GABRB2: variants seen among roughly 807,000 people sequenced by gnomAD.
GABRB2 encodes the protein gamma-aminobutyric acid receptor subunit beta-2.
In GABRB2, 16 loss-of-function variants were observed where a neutral mutation model predicts 54.7. The ratio of observed to expected loss-of-function variants is 0.29; its 90% CI spans 0.20 to 0.44. The LOEUF is 0.44. Ranked by LOEUF, GABRB2 falls within the 20% of genes least tolerant of loss-of-function variation. The probability of loss-of-function intolerance (pLI) is 1.00; values close to 1 mark genes in which losing one functional copy is unlikely to be tolerated. For synonymous variants in GABRB2, 244 were observed against 233.8 expected (o/e 1.04, Z -0.40); for missense variants, 355 against 644.0 (o/e 0.55, Z 4.86).
At chr5:161,455,142 C>T (rs1015334785) in intron 4 of GABRB2, among the ~76,000 whole-genome samples, 7 of 152,200 alleles carry the variant, frequency 4.6e-5, no homozygotes, top group Non-Finnish European at 7.3e-5. Context: ...AAATTTCTTG[C>T]TAACCAAGCA....
intron 3 of GABRB2, among the ~76,000 whole-genome samples, chr5:161,505,609 AG>A (rs1301828510): frequency 3.9e-5 from 6 of 152,220 alleles, no homozygotes; most frequent in Non-Finnish European, 8.8e-5. Flanking sequence ...AATAGAGTGT[AG>A]CCCAGAAATG....
intron 4 of GABRB2, among the ~76,000 whole-genome samples, chr5:161,454,546 T>C (rs1208018663): frequency 6.6e-6 from 1 of 152,234 alleles, no homozygotes; most frequent in Non-Finnish European, 1.5e-5. Context: ...GGTAAAGTTC[T>C]ATAATTTCCC....
chr5:161,365,137 T>G (rs1754936950), intron 5 of GABRB2, among the ~76,000 whole-genome samples: 1 of 152,210 alleles, frequency 6.6e-6, no homozygotes, highest in Non-Finnish European at 1.5e-5. Context: ...ACCAATGCTC[T>G]TCATCATAGA....
intron 5 of GABRB2, among the ~76,000 whole-genome samples, chr5:161,356,419 T>C (rs1754629676): frequency 6.6e-6 from 1 of 152,138 alleles, no homozygotes; most frequent in Non-Finnish European, 1.5e-5. Flanking sequence ...GCCAACCTTA[T>C]TGGGCACTGC....
At chr5:161,460,268 A>G (rs557572274) in intron 3 of GABRB2, among the ~76,000 whole-genome samples, 42 of 148,666 alleles carry the variant, frequency 2.8e-4, no homozygotes, top group East Asian at 2.4e-3. Flanking sequence ...TTATATATAT[A>G]TGTGTGTGTG....
At chr5:161,395,905 A>G (rs1755982611) in intron 5 of GABRB2, among the ~76,000 whole-genome samples, 1 of 152,188 alleles carries the variant, frequency 6.6e-6, no homozygotes, top group African/African-American at 2.4e-5. Flanking sequence ...TTGCAAGAAT[A>G]TAATAAGTAC....
rs1345738 is a variant in GABRB2 at position 161,372,127 on chromosome 5, G to T, written c.542-35358C>A. On this transcript the variant is annotated intron_variant, in intron 5 of 9. Transcript: ENST00000393959. ...TGGAATTGGTAAACAGGCCAAATCA[G>T]ATCTGCAGATGTGTTGCTCTGGACC... 7.3e-4 allele frequency among the ~76,000 whole-genome samples: 111 copies of T among 152,238 alleles called. No individual in the cohort carries two copies. In the East Asian group the frequency reaches 0.015, roughly 21 times the overall value.
intron 9 of GABRB2, among the ~76,000 whole-genome samples, chr5:161,324,976 T>A (rs1298932824): frequency 6.6e-6 from 1 of 152,092 alleles, no homozygotes; most frequent in African/African-American, 2.4e-5. Context: ...AATGCACCAA[T>A]GAGCAAATTT....
chr5:161,305,103 G>A (rs921426358), intron 9 of GABRB2, among the ~76,000 whole-genome samples: 17 of 136,270 alleles, frequency 1.2e-4, no homozygotes, highest in African/African-American at 4.4e-4. Context: ...TGCAAGCTCC[G>A]CTTCCCGGGT....
intron 5 of GABRB2, among the ~76,000 whole-genome samples, chr5:161,408,169 C>T (rs1262989275): frequency 3.9e-5 from 6 of 152,020 alleles, no homozygotes; most frequent in Admixed American, 3.9e-4. Context: ...AAATCCAAAT[C>T]AATTTGAGTG....
At chr5:161,391,726 A>G (rs987809070) in intron 5 of GABRB2, among the ~76,000 whole-genome samples, 1 of 152,210 alleles carries the variant, frequency 6.6e-6, no homozygotes, top group African/African-American at 2.4e-5. Context: ...CTCCAATTAA[A>G]ACGATAATAG....
At chr5:161,425,329 C>T (rs953435069) in intron 4 of GABRB2, among the ~76,000 whole-genome samples, 3 of 152,034 alleles carry the variant, frequency 2.0e-5, no homozygotes, top group African/African-American at 7.2e-5. Context: ...ATAAATATGA[C>T]AAACTTCATT....
In GABRB2 at chr5:161,342,993, C is replaced by G. The variant is rs147373334; in HGVS notation, c.542-6224G>C. The stretch of plus-strand genomic sequence containing the variant: ...GTCCACCGTTAGAATGAAATCCACT[C>G]CATGCAGAGGCCTGTATGCTCTGCA... On this transcript the variant is annotated intron_variant, in intron 5 of 9. Coordinates refer to ENST00000393959, the MANE Select transcript of GABRB2 (RefSeq NM_001371727.1). 5.3e-5 allele frequency among the ~76,000 whole-genome samples: 8 copies of G among 152,188 alleles called. No individual in the cohort carries two copies. In the East Asian group the frequency reaches 1.2e-3, roughly 22 times the overall value.
intron 3 of GABRB2, among the ~76,000 whole-genome samples, chr5:161,503,838 T>C (rs1237219475): frequency 6.6e-6 from 1 of 151,608 alleles, no homozygotes; most frequent in African/African-American, 2.4e-5. Context: ...TTAAATATAA[T>C]GATACACACA....
chr5:161,339,875 T>A (rs1158671324), intron 5 of GABRB2, among the ~76,000 whole-genome samples: 1 of 151,930 alleles, frequency 6.6e-6, no homozygotes, highest in African/African-American at 2.4e-5. Flanking sequence ...GTGACTGACC[T>A]CAAAGAAAGC....
chr5:161,357,519 C>CAAAAAA (rs11423363), intron 5 of GABRB2, among the ~76,000 whole-genome samples: 1 of 140,798 alleles, frequency 7.1e-6, no homozygotes, highest in African/African-American at 2.6e-5. Flanking sequence ...GAGTTTTGAG[C>CAAAAAA]AAAAAAAAAA....
intron 4 of GABRB2, among the ~76,000 whole-genome samples, chr5:161,425,335 T>C (rs1311144080): frequency 6.6e-6 from 1 of 152,052 alleles, no homozygotes; most frequent in Non-Finnish European, 1.5e-5. Flanking sequence ...ATGACAAACT[T>C]CATTGTTGTC....
intron 9 of GABRB2, among the ~76,000 whole-genome samples, chr5:161,305,463 G>C (rs1757663365): frequency 6.6e-6 from 1 of 152,162 alleles, no homozygotes; most frequent in African/African-American, 2.4e-5. Context: ...GTTTCAGGGA[G>C]GTAGGAATGA....
chr5:161,331,882 T>C (rs1753853861), intron 7 of GABRB2, among the ~76,000 whole-genome samples: 1 of 152,044 alleles, frequency 6.6e-6, no homozygotes. Context: ...AGAATGCCAG[T>C]TGGCCGGGCG....
Sources: allele counts gnomAD v4.1 joint callset (sites outside exome capture counted in the v4.1 genomes callset), GRCh38; gene constraint gnomAD v4.1.1; transcripts MANE v1.5; gene names NCBI Gene and HGNC (gene_info 2026-07-23, HGNC 2026-07-21).